Variants in RPL23A observed in about 807,000 individuals in gnomAD.
RPL23A encodes large ribosomal subunit protein uL23.
Under a neutral mutation model 17.6 loss-of-function variants are expected in RPL23A, and 2 were observed. That is an observed-to-expected ratio of 0.11 (90% confidence interval 0.05 to 0.36). The LOEUF is 0.36. Among genes scored for constraint, RPL23A ranks in the 10% least tolerant of loss-of-function variants. The probability of loss-of-function intolerance (pLI) is 1.00; values close to 1 mark genes in which losing one functional copy is unlikely to be tolerated. For missense variants in RPL23A, 132 were observed against 194.4 expected, an observed-to-expected ratio of 0.68 and a Z score of 1.91; for synonymous variants, 65 against 74.3, an observed-to-expected ratio of 0.87 and a Z score of 0.65.
In RPL23A at chr17:28,723,883, CTG is replaced by C; in HGVS notation, c.*3_*4del. ...GTTTTTCAGATTGGGATCATCTAAACTGAGTCCAGCTGCCTAATTCTGAATAT... is the reference window on the plus strand; with the variant it reads ...GTTTTTCAGATTGGGATCATCTAAACAGTCCAGCTGCCTAATTCTGAATAT... On this transcript the variant is annotated 3_prime_UTR_variant, in exon 5 of 5. Coordinates refer to ENST00000422514, the MANE Select transcript of RPL23A (RefSeq NM_000984.6). The C allele has an allele frequency of 6.3e-7, 1 of 1,593,342 alleles. No homozygotes were observed. The highest frequency in any genetic ancestry group is 8.6e-7 in the Non-Finnish European group (1 of 1,161,702).
rs538897254 is a variant in RPL23A at position 28,720,899 on chromosome 17, T to C, written c.209+9T>C. 6.2e-7 allele frequency: 1 copy of C among 1,612,098 alleles called. No individual in the cohort carries two copies. Among genetic ancestry groups the C allele is most frequent in the Non-Finnish European group, 8.5e-7 (1 of 1,178,266 alleles). The stretch of plus-strand genomic sequence containing the variant: ...GCTCCCAGGAGAAACAAGTCAGTAC[T>C]GCCCCCTGTACCCATGAAAAGATTT... On this transcript the variant is annotated intron_variant, in intron 2 of 4. Coordinates refer to ENST00000422514, the MANE Select transcript of RPL23A (RefSeq NM_000984.6).
intron 3 of RPL23A, 182 bp from the exon 4 acceptor site, chr17:28,723,389 C>T: frequency 3.9e-6 from 3 of 766,036 alleles, no homozygotes; most frequent in Non-Finnish European, 4.8e-6. Flanking sequence ...TGTGGTGTTT[C>T]CCATAAGAGA....
intron 4 of RPL23A, 47 bp from the exon 5 acceptor site, chr17:28,723,820 A>G (rs771717803): frequency 6.4e-7 from 1 of 1,572,876 alleles, no homozygotes; most frequent in South Asian, 1.1e-5. Context: ...TTCCAGCTTA[A>G]TCTTCATATT....
rs2034156260 is a variant in RPL23A, at chr17:28,723,652, TC to T, written c.456+14del. The T allele has an allele frequency of 6.2e-7, 1 of 1,612,440 alleles. No homozygotes were observed. Among genetic ancestry groups the T allele is most frequent in the African/African-American group, 1.3e-5 (1 of 74,840 alleles). ...ATGTTGCCAACAAAGTAAGTTTCCT[TC>T]CTACAAACCCCTTAATGCTCACCCC... On this transcript the variant is annotated intron_variant, in intron 4 of 4. Transcript: ENST00000422514.
chr17:28,722,665 G>A, intron 2 of RPL23A, 58 bp from the exon 3 acceptor site: 1 of 1,436,272 alleles, frequency 7.0e-7, no homozygotes. Flanking sequence ...AGGCTCTCCT[G>A]GCTCTGGGCT....
chr17:28,723,854 T>C lies in RPL23A; in HGVS notation c.457-13T>C. On this transcript the variant is annotated splice_polypyrimidine_tract_variant and intron_variant, in intron 4 of 4. Transcript: ENST00000422514. ...TTTCAACTCCAGTAACGAGGCTCCC[T>C]TTTGTTTTTCAGATTGGGATCATCT... is the stretch of plus-strand genomic sequence containing the variant. 1 of 1,603,066 alleles carries C rather than the reference T, an allele frequency of 6.2e-7. No homozygotes were observed. The highest frequency in any genetic ancestry group is 8.5e-7 in the Non-Finnish European group (1 of 1,170,100).
chr17:28,723,153 G>T, intron 3 of RPL23A: 1 of 539,758 alleles, frequency 1.9e-6, no homozygotes, highest in Non-Finnish European at 3.3e-6. Flanking sequence ...CCTTTCAGCA[G>T]GGGAAAAAGG....
chr17:28,722,275 CT>C lies in RPL23A; in HGVS notation c.210-447del, dbSNP rs2034129542. 2.0e-5 allele frequency: 5 copies of C among 248,604 alleles called. No homozygotes were observed. In the South Asian group the frequency reaches 2.2e-4, roughly 11 times the overall value. 15.4% of individuals were successfully genotyped at this position (248,604 alleles called of 1,614,324 possible). On this transcript the variant is annotated intron_variant, in intron 2 of 4. Transcript: ENST00000422514. ...AAAAAAAAAAAAAAGGAATTTGCCCCTGGCCCGATTCTCCTGCCTCAGCCTC... is the reference window on the plus strand; with the variant it reads ...AAAAAAAAAAAAAAGGAATTTGCCCCGGCCCGATTCTCCTGCCTCAGCCTC...
intron 1 of RPL23A, chr17:28,720,414 C>T: frequency 6.2e-7 from 1 of 1,601,964 alleles, no homozygotes; most frequent in Non-Finnish European, 8.5e-7. Flanking sequence ...CTCTCCGCAG[C>T]GTGGTTTTGC....
At chr17:28,723,133 A>T (rs1181784793) in intron 3 of RPL23A, among the ~76,000 whole-genome samples, 1 of 150,904 alleles carries the variant, frequency 6.6e-6, no homozygotes, top group Non-Finnish European at 1.5e-5. Context: ...AAAAAAAAAA[A>T]TCCCCTGGAC....
At position 28,723,883 on chromosome 17, in the gene RPL23A, C is replaced by CG; in HGVS notation, c.*2_*3insG. On this transcript the variant is annotated 3_prime_UTR_variant, in exon 5 of 5. Transcript: ENST00000422514. ...GTTTTTCAGATTGGGATCATCTAAA[C>CG]TGAGTCCAGCTGCCTAATTCTGAAT... 1 of 1,593,342 alleles carries CG rather than the reference C, an allele frequency of 6.3e-7. No individual in the cohort carries two copies. The highest frequency in any genetic ancestry group is 8.6e-7 in the Non-Finnish European group (1 of 1,161,702).
Position 28,720,019 on chromosome 17 carries a change from C to T in RPL23A, c.14C>T (p.Ala5Val), listed in dbSNP as rs1336861223. 5.2e-6 allele frequency: 8 copies of T among 1,551,932 alleles called. No individual in the cohort carries two copies. Among genetic ancestry groups the T allele is most frequent in the South Asian group, 1.2e-5 (1 of 84,064 alleles). MAPK[A>V]KKEAPAPPKA... is the part of the protein sequence containing the mutation. ...CCTTTTCACAAGATGGCGCCGAAAG[C>T]GAAGAAGGAAGGTGTGTGTTGGTGA... Residue 5 changes from alanine (A) to valine (V), a missense_variant, in exon 1 of 5, where the codon GCG (alanine) becomes GTG (valine). Transcript: ENST00000422514.
At chr17:28,721,192 A>G in intron 2 of RPL23A, 2 of 265,786 alleles carry the variant, frequency 7.5e-6, no homozygotes, top group South Asian at 4.0e-5. Flanking sequence ...GCGTCTATTA[A>G]AAATAGAAAA....
chr17:28,720,965 C>T, intron 2 of RPL23A, 75 bp downstream of exon 2: 1 of 1,308,948 alleles, frequency 7.6e-7, no homozygotes, highest in South Asian at 1.3e-5. Context: ...ACTCACTCTG[C>T]GTGATGGTTT....
intron 1 of RPL23A, 195 bp downstream of exon 1, chr17:28,720,225 T>A (rs1030368783): frequency 1.3e-6 from 2 of 1,497,960 alleles, no homozygotes; most frequent in Non-Finnish European, 1.8e-6. Flanking sequence ...TAGAGGGAGT[T>A]GGGGGGGGGC....
At chr17:28,720,384 G>T (rs889163776) in intron 1 of RPL23A, 1 of 1,573,210 alleles carries the variant, frequency 6.4e-7, no homozygotes, top group Non-Finnish European at 8.6e-7. Flanking sequence ...ATGTTCAACC[G>T]GGCTACATTA....
intron 2 of RPL23A, chr17:28,721,120 G>C (rs1404898771): frequency 2.4e-6 from 1 of 415,970 alleles, no homozygotes; most frequent in Non-Finnish European, 4.5e-6. Flanking sequence ...GGGAGGCCGA[G>C]GGGGGGCGGA....
At position 28,723,553 on chromosome 17, in the gene RPL23A, C is replaced by G. The variant is rs766976691; in HGVS notation, c.387-18C>G. 6.2e-7 allele frequency: 1 copy of G among 1,605,478 alleles called. No homozygotes were observed. Among genetic ancestry groups the G allele is most frequent in the Admixed American group, 1.7e-5 (1 of 59,988 alleles). The stretch of plus-strand genomic sequence containing the variant: ...GCAGTGAGGGTGGCAGGGACTAAGG[C>G]TTCCTTCTCTACCCTAGGCCTGATG... On this transcript the variant is annotated intron_variant, in intron 3 of 4. Coordinates refer to ENST00000422514, the MANE Select transcript of RPL23A (RefSeq NM_000984.6).
Position 28,720,030 on chromosome 17 carries a change from G to A in RPL23A, c.25G>A (p.Ala9Thr), listed in dbSNP as rs1378419050. 1.3e-6 allele frequency: 2 copies of A among 1,551,654 alleles called. No individual in the cohort carries two copies. Among genetic ancestry groups the A allele is most frequent in the Non-Finnish European group, 1.7e-6 (2 of 1,147,094 alleles). ...GATGGCGCCGAAAGCGAAGAAGGAA[G>A]GTGTGTGTTGGTGATGGGGCCGCAG... is the stretch of plus-strand genomic sequence containing the variant. MAPKAKKE[A>T]PAPPKAEAKA... The change falls in exon 1 of 5, where the codon GCT becomes ACT. Residue 9 changes from alanine (A) to threonine (T), a missense_variant and splice_region_variant. Transcript: ENST00000422514.
Sources: allele counts gnomAD v4.1 joint callset (sites outside exome capture counted in the v4.1 genomes callset), GRCh38; gene constraint gnomAD v4.1.1; transcripts MANE v1.5; gene names NCBI Gene and HGNC (gene_info 2026-07-23, HGNC 2026-07-21).